The following JPH3 variants were observed in gnomAD, a reference collection of about 807,000 sequenced individuals.
JPH3 encodes junctophilin 3.
Under a neutral mutation model 59.6 loss-of-function variants are expected in JPH3, and 11 were observed. The observed-to-expected ratio is 0.18, with a 90% CI of 0.12 to 0.31. The LOEUF (loss-of-function observed/expected upper bound fraction) is 0.31, where lower values mean the gene tolerates loss of function less well. JPH3 is among the 10% of genes least tolerant of loss of function. JPH3 has a pLI of 1.00. For missense variants in JPH3, 1,202 were observed against 1,105.7 expected (o/e 1.09, Z -1.24); for synonymous variants, 673 against 483.6 (o/e 1.39, Z -5.14).
At chr16:87,651,270 C>A (rs2032317802) in intron 2 of JPH3, among the ~76,000 whole-genome samples, 1 of 152,188 alleles carries the variant, frequency 6.6e-6, no homozygotes. Flanking sequence ...CCCGGAGCGC[C>A]CATGGAGATG....
intron 2 of JPH3, among the ~76,000 whole-genome samples, chr16:87,647,471 A>AC (rs1166697068): frequency 6.6e-6 from 1 of 151,786 alleles, no homozygotes; most frequent in African/African-American, 2.4e-5. Context: ...CCCCCTGCCA[A>AC]CCCCCCGACA....
At chr16:87,646,697 CAAG>C (rs575085596) in intron 2 of JPH3, among the ~76,000 whole-genome samples, 277 of 152,254 alleles carry the variant, frequency 1.8e-3, no homozygotes, top group Middle Eastern at 3.4e-3. Context: ...CCCTAGTGGA[CAAG>C]AAGCAGTTTT....
chr16:87,639,036 T>G (rs142643790), intron 1 of JPH3, among the ~76,000 whole-genome samples: 1 of 152,294 alleles, frequency 6.6e-6, no homozygotes, highest in Non-Finnish European at 1.5e-5. Flanking sequence ...CGCTGCCGCT[T>G]CCGCTTCCTG....
intron 1 of JPH3, among the ~76,000 whole-genome samples, chr16:87,616,416 T>C (rs1428675966): frequency 6.6e-6 from 1 of 151,034 alleles, no homozygotes; most frequent in East Asian, 1.9e-4. Context: ...TGTATTTTTT[T>C]TTTTTTTGTA....
At chr16:87,677,475 C>T (rs2033181913) in intron 2 of JPH3, among the ~76,000 whole-genome samples, 1 of 152,210 alleles carries the variant, frequency 6.6e-6, no homozygotes, top group African/African-American at 2.4e-5. Flanking sequence ...AGCATAAGAA[C>T]AGCTGGGCTG....
intron 2 of JPH3, among the ~76,000 whole-genome samples, chr16:87,671,478 C>A (rs754409952): frequency 3.3e-5 from 5 of 152,330 alleles, no homozygotes; most frequent in Non-Finnish European, 7.4e-5. Context: ...GGGTGGCGGC[C>A]GCTGTGCCTG....
chr16:87,657,123 G>A (rs1170116827), intron 2 of JPH3, among the ~76,000 whole-genome samples: 1 of 152,198 alleles, frequency 6.6e-6, no homozygotes, highest in African/African-American at 2.4e-5. Flanking sequence ...CACCTGGTGT[G>A]TTAGGAGGAG....
intron 1 of JPH3, among the ~76,000 whole-genome samples, chr16:87,617,721 A>G (rs2031023639): frequency 6.6e-6 from 1 of 152,124 alleles, no homozygotes; most frequent in Admixed American, 6.5e-5. Flanking sequence ...GAGAAGGAGC[A>G]GGTGCAGGTG....
chr16:87,606,944 A>G (rs1323264013), intron 1 of JPH3, among the ~76,000 whole-genome samples: 1 of 152,128 alleles, frequency 6.6e-6, no homozygotes, highest in African/African-American at 2.4e-5. Context: ...CATTTTCCAC[A>G]CTGGGAAGTG....
chr16:87,663,139 C>T (rs528131117), intron 2 of JPH3, among the ~76,000 whole-genome samples: 17 of 122,392 alleles, frequency 1.4e-4, no homozygotes, highest in African/African-American at 2.8e-4. Context: ...GATGGAGTCG[C>T]GCCCTGTCAC....
intron 1 of JPH3, chr16:87,604,308 G>GCTGCTC: frequency 1.4e-6 from 2 of 1,466,194 alleles, no homozygotes; most frequent in Non-Finnish European, 1.8e-6. Flanking sequence ...TGCTGCTGCT[G>GCTGCTC]CTGCTGCTGC....
chr16:87,620,630 G>A (rs898665065), intron 1 of JPH3, among the ~76,000 whole-genome samples: 1 of 152,176 alleles, frequency 6.6e-6, no homozygotes, highest in Non-Finnish European at 1.5e-5. Context: ...TTTTGATGGT[G>A]CTGTTTCCTG....
intron 2 of JPH3, among the ~76,000 whole-genome samples, chr16:87,649,242 T>C (rs1431754181): frequency 6.6e-6 from 1 of 152,168 alleles, no homozygotes. Flanking sequence ...GAACTCCCAC[T>C]AGTGAAAGTC....
chr16:87,639,520 G>A lies in JPH3; in HGVS notation c.383-4738G>A, dbSNP rs114577529. On this transcript the variant is annotated intron_variant, in intron 1 of 4. Coordinates refer to ENST00000284262, the MANE Select transcript of JPH3 (RefSeq NM_020655.4). ...TTAAGCACATTCACGCTGTTCAACC[G>A]TCACCAGAACTTTTCCATCTCCAGA... 3.7e-3 allele frequency among the ~76,000 whole-genome samples: 558 copies of A among 152,082 alleles called. 9 individuals carry two copies. The highest frequency in any genetic ancestry group is 0.012 in the African/African-American group (510 of 41,364).
At position 87,611,913 on chromosome 16, in the gene JPH3, G is replaced by T. The variant is rs898848245; in HGVS notation, c.382+8385G>T. Among the ~76,000 whole-genome samples, 1 of 152,218 alleles carries T rather than the reference G, an allele frequency of 6.6e-6. No homozygotes were observed. Among genetic ancestry groups the T allele is most frequent in the Admixed American group, 6.5e-5 (1 of 15,286 alleles). Reference sequence around the variant, plus strand: ...CCTGGGAGACGGTTAGAAATGCAGCGTGTCAGGCCTGCCTGACCTCCAGGG... The same window carrying T: ...CCTGGGAGACGGTTAGAAATGCAGCTTGTCAGGCCTGCCTGACCTCCAGGG... On this transcript the variant is annotated intron_variant, in intron 1 of 4. Coordinates refer to ENST00000284262, the MANE Select transcript of JPH3 (RefSeq NM_020655.4). The surrounding 1 kb of genome is among the most constrained non-coding windows in gnomAD (Gnocchi z 4.5).
rs192914759 is a variant in JPH3, at chr16:87,639,460, G to A, written c.383-4798G>A. Among the ~76,000 whole-genome samples, 147 of 152,208 alleles carry A rather than the reference G, an allele frequency of 9.7e-4. 1 individual carries two copies. The highest frequency in any genetic ancestry group is 3.3e-3 in the African/African-American group (138 of 41,510). On this transcript the variant is annotated intron_variant, in intron 1 of 4. Coordinates refer to ENST00000284262, the MANE Select transcript of JPH3 (RefSeq NM_020655.4). The stretch of plus-strand genomic sequence containing the variant: ...AAATACACATAACCTACAGTGTCCC[G>A]TCTCAGTCATCTTCACGTGTGCCGT...
intron 2 of JPH3, among the ~76,000 whole-genome samples, chr16:87,673,758 T>C (rs779564282): frequency 6.6e-6 from 1 of 151,834 alleles, no homozygotes; most frequent in Non-Finnish European, 1.5e-5. Context: ...AAACCCTGTC[T>C]CTACTAAAAA....
intron 1 of JPH3, among the ~76,000 whole-genome samples, chr16:87,631,311 A>G (rs188639743): frequency 2.6e-5 from 4 of 152,304 alleles, no homozygotes; most frequent in South Asian, 2.1e-4. Flanking sequence ...GAAAGGATGC[A>G]TGGAAGATAT....
In JPH3 at chr16:87,644,726, C is replaced by G; in HGVS notation, c.851C>G (p.Thr284Ser). The G allele has an allele frequency of 6.2e-7, 1 of 1,612,686 alleles. No individual in the cohort carries two copies. The highest frequency in any genetic ancestry group is 8.5e-7 in the Non-Finnish European group (1 of 1,179,918). The change falls in exon 2 of 5, where the codon ACC (threonine) becomes AGC (serine). Residue 284 changes from threonine (T) to serine (S), a missense_variant. Transcript: ENST00000284262. ...AVIEDDIDATTTETYVGEWKN... is the reference protein window; with the variant it reads ...AVIEDDIDATSTETYVGEWKN... ...ATCGAGGACGACATCGACGCCACCA[C>G]CACCGAGACCTACGTGGGCGAGTGG...
Sources: gnomAD v4.1 joint callset for allele counts (sites outside exome capture counted in the v4.1 genomes callset) on GRCh38, gnomAD v4.1.1 for gene constraint, Gnocchi (gnomAD v3.1) non-coding constraint, MANE v1.5 for transcripts, NCBI Gene and HGNC (gene_info 2026-07-23, HGNC 2026-07-21) for gene names.